Variants in SRGAP1 observed in about 807,000 individuals in gnomAD.
SRGAP1 encodes SLIT-ROBO Rho GTPase activating protein 1, also known as SLIT-ROBO Rho GTPase-activating protein 1.
In SRGAP1, 43 loss-of-function variants were observed where a neutral mutation model predicts 121.9. The observed-to-expected ratio is 0.35, with a 90% CI of 0.28 to 0.46. The LOEUF is 0.46. Among genes scored for constraint, SRGAP1 ranks in the 20% least tolerant of loss-of-function variants. SRGAP1 has a pLI of 1.00. For synonymous variants in SRGAP1, 447 were observed against 485.4 expected, an observed-to-expected ratio of 0.92 and a Z score of 1.04; for missense variants, 1,102 against 1,350.9, an observed-to-expected ratio of 0.82 and a Z score of 2.89.
chr12:63,919,118 T>G (rs1311696841), intron 1 of SRGAP1, among the ~76,000 whole-genome samples: 1 of 152,086 alleles, frequency 6.6e-6, no homozygotes, highest in Non-Finnish European at 1.5e-5. Flanking sequence ...AGTGGTGTAA[T>G]CTCAGCTCAC....
intron 3 of SRGAP1, among the ~76,000 whole-genome samples, chr12:63,990,802 C>G (rs1593011433): frequency 6.6e-6 from 1 of 152,124 alleles, no homozygotes; most frequent in South Asian, 2.1e-4. Flanking sequence ...TTGTGAAGAA[C>G]AAGATTATTA....
Position 64,153,612 on chromosome 12 carries a change from C to A in SRGAP1, c.*10940C>A, listed in dbSNP as rs1407637993. On this transcript the variant is annotated 3_prime_UTR_variant, in exon 22 of 22. Transcript: ENST00000355086. ...AACCACAATGAGATATCACCTCATA[C>A]CCATTAGGATGGCCACTCTCAAATG... The A allele has an allele frequency of 2.0e-5, 3 of 152,088 alleles. No individual in the cohort carries two copies. The highest frequency in any genetic ancestry group is 7.2e-5 in the African/African-American group (3 of 41,412). 9.4% of individuals were successfully genotyped at this position (152,088 alleles called of 1,614,324 possible). A position where few individuals can be genotyped will look rare whatever the true frequency, so the allele number is the denominator to read the frequency against.
intron 1 of SRGAP1, among the ~76,000 whole-genome samples, chr12:63,916,264 A>G (rs944755341): frequency 2.6e-5 from 4 of 151,954 alleles, no homozygotes; most frequent in Non-Finnish European, 5.9e-5. Context: ...AGCTCTAGGG[A>G]TCTGCCCACC....
chr12:63,883,872 A>G lies in SRGAP1; in HGVS notation c.67+38989A>G, dbSNP rs1445729377. 4.0e-5 allele frequency among the ~76,000 whole-genome samples: 6 copies of G among 150,318 alleles called. No individual in the cohort carries two copies. The East Asian group carries it at 1.2e-3, about 30-fold the overall frequency. On this transcript the variant is annotated intron_variant, in intron 1 of 21. Coordinates refer to ENST00000355086, the MANE Select transcript of SRGAP1 (RefSeq NM_020762.4). ...ACGGGGTTTCACCATGTTAGCCAGG[A>G]TGGTCTGCATCTCCTGACGTCGTGA...
chr12:63,924,952 C>T (rs960646769), intron 1 of SRGAP1, among the ~76,000 whole-genome samples: 1 of 152,158 alleles, frequency 6.6e-6, no homozygotes, highest in Admixed American at 6.5e-5. Flanking sequence ...AAAATGAGAT[C>T]GCAACTTAAG....
intron 2 of SRGAP1, among the ~76,000 whole-genome samples, chr12:63,988,979 T>G (rs1349037433): frequency 6.6e-6 from 1 of 151,998 alleles, no homozygotes; most frequent in African/African-American, 2.4e-5. Context: ...CCCGGCTGAT[T>G]TTTGTATTTT....
intron 6 of SRGAP1, among the ~76,000 whole-genome samples, chr12:64,054,965 A>G (rs1413284385): frequency 2.1e-5 from 3 of 143,872 alleles, no homozygotes; most frequent in African/African-American, 7.7e-5. Flanking sequence ...TCAATTCCCA[A>G]CTATGAGTGA....
chr12:63,903,092 A>G (rs1304595104), intron 1 of SRGAP1, among the ~76,000 whole-genome samples: 1 of 152,044 alleles, frequency 6.6e-6, no homozygotes, highest in Non-Finnish European at 1.5e-5. Context: ...GTGTGTGTGT[A>G]TGTGTGTTTG....
At chr12:64,137,058 G>A (rs1375965356) in intron 21 of SRGAP1, among the ~76,000 whole-genome samples, 1 of 152,134 alleles carries the variant, frequency 6.6e-6, no homozygotes, top group Non-Finnish European at 1.5e-5. Context: ...GAGGTCAGCA[G>A]TTTGAGACCA....
chr12:63,950,776 GT>G (rs2032261358), intron 1 of SRGAP1, among the ~76,000 whole-genome samples: 1 of 152,102 alleles, frequency 6.6e-6, no homozygotes, highest in Non-Finnish European at 1.5e-5. Flanking sequence ...TTTGAGATGT[GT>G]TGGAAGCCTT....
chr12:64,003,036 G>T (rs183230130), intron 3 of SRGAP1, among the ~76,000 whole-genome samples: 2 of 130,890 alleles, frequency 1.5e-5, no homozygotes, highest in Non-Finnish European at 3.2e-5. Flanking sequence ...GAGAGAGAGA[G>T]AGAGAGAGAG....
intron 14 of SRGAP1, among the ~76,000 whole-genome samples, chr12:64,095,645 A>G (rs940108875): frequency 1.3e-5 from 2 of 152,192 alleles, no homozygotes; most frequent in Admixed American, 6.5e-5. Flanking sequence ...ATGCTTGTTC[A>G]TAATTGGCTG....
intron 1 of SRGAP1, among the ~76,000 whole-genome samples, chr12:63,957,588 A>C (rs2032510343): frequency 6.6e-6 from 1 of 152,116 alleles, no homozygotes; most frequent in Non-Finnish European, 1.5e-5. Flanking sequence ...TAGAGAAACA[A>C]AGTTTCTATA....
chr12:63,862,169 T>A (rs895582187), intron 1 of SRGAP1, among the ~76,000 whole-genome samples: 3 of 152,224 alleles, frequency 2.0e-5, no homozygotes, highest in Admixed American at 6.5e-5. Context: ...GAAATTATTA[T>A]GAAAATTAAA....
At position 64,143,796 on chromosome 12, in the gene SRGAP1, G is replaced by T. The variant is rs1169632557; in HGVS notation, c.*1124G>T. The T allele has an allele frequency of 6.6e-6, 1 of 151,400 alleles. No homozygotes were observed. Among genetic ancestry groups the T allele is most frequent in the Non-Finnish European group, 1.5e-5 (1 of 67,938 alleles). The allele number at this position is 151,400 out of a possible 1,614,324, so 9.4% of individuals were successfully genotyped here. On this transcript the variant is annotated 3_prime_UTR_variant, in exon 22 of 22. Transcript: ENST00000355086. Reference sequence around the variant, plus strand: ...CCTGTCTCTTAAAAAAAAAAAAAATGCTACAAAGTCCTGATGATCCTAAAT... The same window carrying T: ...CCTGTCTCTTAAAAAAAAAAAAAATTCTACAAAGTCCTGATGATCCTAAAT...
chr12:63,981,341 G>A (rs1376116012), intron 1 of SRGAP1, among the ~76,000 whole-genome samples: 1 of 151,614 alleles, frequency 6.6e-6, no homozygotes, highest in Non-Finnish European at 1.5e-5. Flanking sequence ...TTCTTACTTG[G>A]CACTAAGGCA....
chr12:64,038,269 G>GTATA (rs2034941342), intron 4 of SRGAP1, among the ~76,000 whole-genome samples: 1 of 151,980 alleles, frequency 6.6e-6, no homozygotes, highest in Non-Finnish European at 1.5e-5. Flanking sequence ...ACGTATATAT[G>GTATA]TACATATCTG....
rs1592367232 is a variant in SRGAP1 at position 64,153,155 on chromosome 12, C to T, written c.*10483C>T. ...CCATGTGAAAAGGAAGAGAAAGACCCAAGCAGAAGGAACTGCACATGGGAA... is the reference window on the plus strand; with the variant it reads ...CCATGTGAAAAGGAAGAGAAAGACCTAAGCAGAAGGAACTGCACATGGGAA... On this transcript the variant is annotated 3_prime_UTR_variant, in exon 22 of 22. Coordinates refer to ENST00000355086, the MANE Select transcript of SRGAP1 (RefSeq NM_020762.4). The T allele has an allele frequency of 6.6e-6, 1 of 151,584 alleles. No individual in the cohort carries two copies. The allele number at this position is 151,584 out of a possible 1,614,324, so 9.4% of individuals were successfully genotyped here. A position where few individuals can be genotyped will look rare whatever the true frequency, so the allele number is the denominator to read the frequency against.
chr12:63,890,299 G>T (rs113202213), intron 1 of SRGAP1, among the ~76,000 whole-genome samples: 4,184 of 152,326 alleles, frequency 0.027, 91 homozygotes, highest in African/African-American at 0.061. Context: ...GCCAAAGGCA[G>T]GAGAGAGTAA....
Sources: gnomAD v4.1 joint callset for allele counts (sites outside exome capture counted in the v4.1 genomes callset) on GRCh38, gnomAD v4.1.1 for gene constraint, MANE v1.5 for transcripts, NCBI Gene and HGNC (gene_info 2026-07-23, HGNC 2026-07-21) for gene names.